The following ALPK3 variants were observed in gnomAD, a reference collection of about 807,000 sequenced individuals.
ALPK3 encodes alpha-protein kinase 3.
A neutral mutation model predicts 140.0 loss-of-function variants in ALPK3; 102 were observed. The observed-to-expected ratio is 0.73, with a 90% CI of 0.62 to 0.86. ALPK3 has a LOEUF of 0.86. ALPK3 is among the 40% of genes least tolerant of loss of function. The probability of loss-of-function intolerance (pLI) is 0.00; values close to 1 mark genes in which losing one functional copy is unlikely to be tolerated. For missense variants in ALPK3, 2,254 were observed against 2,208.2 expected (o/e 1.02, Z -0.42); for synonymous variants, 938 against 898.5 (o/e 1.04, Z -0.79).
At position 84,826,119 on chromosome 15, in the gene ALPK3, G is replaced by C. The variant is rs538794492; in HGVS notation, c.183-1365G>C. Among the ~76,000 whole-genome samples, 66 of 152,310 alleles carry C rather than the reference G, an allele frequency of 4.3e-4. No homozygotes were observed. The Middle Eastern group carries it at 0.01, about 24-fold the overall frequency. On this transcript the variant is annotated intron_variant, in intron 2 of 13. Coordinates refer to ENST00000258888, the MANE Select transcript of ALPK3 (RefSeq NM_020778.5). Reference sequence around the variant, plus strand: ...TGAAACCACAGCAGGAACCCCATCAGTTCAGAAGTCTTACTTGATTCCAGA... The same window carrying C: ...TGAAACCACAGCAGGAACCCCATCACTTCAGAAGTCTTACTTGATTCCAGA...
At position 84,840,681 on chromosome 15, in the gene ALPK3, C is replaced by A; in HGVS notation, c.1402C>A (p.His468Asn). 1 of 1,600,958 alleles carries A rather than the reference C, an allele frequency of 6.2e-7. No homozygotes were observed. The highest frequency in any genetic ancestry group is 8.5e-7 in the Non-Finnish European group (1 of 1,173,690). ...GVPGAPGQPT[H>N]SLTPQPTRPF... ...GCCTGGCGCTCCTGGCCAGCCCACACACTCCTTGACCCCCCAGCCGACTAG... is the reference window on the plus strand; with the variant it reads ...GCCTGGCGCTCCTGGCCAGCCCACAAACTCCTTGACCCCCCAGCCGACTAG... Residue 468 changes from histidine to asparagine, a missense_variant, in exon 5 of 14, where the codon CAC becomes AAC. Physicochemically the swap from His to Asn is moderately conservative, Grantham distance 68 (BLOSUM62 1). Transcript: ENST00000258888.
chr15:84,818,593 T>A (rs1167565732), intron 1 of ALPK3, among the ~76,000 whole-genome samples: 1 of 152,198 alleles, frequency 6.6e-6, no homozygotes, highest in Non-Finnish European at 1.5e-5. Context: ...AGACCTCTTG[T>A]TCTCCATTCC....
At chr15:84,820,637 G>T (rs1053346172) in intron 1 of ALPK3, among the ~76,000 whole-genome samples, 3 of 151,884 alleles carry the variant, frequency 2.0e-5, no homozygotes, top group African/African-American at 7.3e-5. Context: ...GCCTGCCACC[G>T]CACCCGGCTA....
chr15:84,829,194 G>A (rs760866226), intron 3 of ALPK3, among the ~76,000 whole-genome samples: 8 of 152,088 alleles, frequency 5.3e-5, no homozygotes, highest in Non-Finnish European at 1.0e-4. Context: ...TGAGTACTAC[G>A]TGAAATTCTT....
rs771043471 is a variant in ALPK3, at chr15:84,856,841, G to A, written c.2103G>A (p.Glu701=). ...GTQEDRRMQG[E]KGMQGEKGTQ... is the part of the protein sequence containing the mutation. ...AGGAAGACAGAAGGATGCAGGGAGA[G>A]AAGGGGATGCAGGGAGAGAAGGGGA... The change falls in exon 6 of 14, where the codon GAG becomes GAA. Residue 701 remains glutamate, a synonymous_variant. Coordinates refer to ENST00000258888, the MANE Select transcript of ALPK3 (RefSeq NM_020778.5). 2.5e-6 allele frequency: 4 copies of A among 1,613,734 alleles called. No homozygotes were observed. The highest frequency in any genetic ancestry group is 1.6e-4 in the Middle Eastern group (1 of 6,062).
intron 5 of ALPK3, among the ~76,000 whole-genome samples, 180 bp from the exon 6 acceptor site, chr15:84,856,212 G>C (rs553372399): frequency 6.6e-6 from 1 of 152,296 alleles, no homozygotes; most frequent in South Asian, 2.1e-4. Flanking sequence ...GGCATGGATG[G>C]GGCTTTGGGC....
intron 5 of ALPK3, chr15:84,852,513 G>A: frequency 7.3e-6 from 2 of 275,758 alleles, no homozygotes; most frequent in South Asian, 4.0e-5. Context: ...TATCTCCCCA[G>A]GAAAACATAC....
At chr15:84,826,724 C>T (rs1007720036) in intron 2 of ALPK3, among the ~76,000 whole-genome samples, 7 of 152,088 alleles carry the variant, frequency 4.6e-5, no homozygotes, top group African/African-American at 1.7e-4. Flanking sequence ...AGGGGTGGAT[C>T]CGTTTGTGGT....
chr15:84,844,090 G>A (rs147320795), intron 5 of ALPK3, among the ~76,000 whole-genome samples: 227 of 152,294 alleles, frequency 1.5e-3, no homozygotes, highest in Non-Finnish European at 2.3e-3. Context: ...TTACCTGGGC[G>A]TGGTGGCGGA....
chr15:84,865,273 A>G (rs188180325), intron 12 of ALPK3, among the ~76,000 whole-genome samples: 65 of 152,308 alleles, frequency 4.3e-4, no homozygotes, highest in Middle Eastern at 6.8e-3. Context: ...AGAACTGGAC[A>G]GAGGAGAGGA....
chr15:84,839,831 G>C lies in ALPK3; in HGVS notation c.552G>C (p.Lys184Asn). 6.2e-7 allele frequency: 1 copy of C among 1,614,148 alleles called. No individual in the cohort carries two copies. The highest frequency in any genetic ancestry group is 1.1e-5 in the South Asian group (1 of 91,090). Residue 184 changes from lysine (K) to asparagine (N), a missense_variant, in exon 5 of 14, where the codon AAG becomes AAC. This residue lies in a region of ALPK3 where 2,088 missense variants were observed against 2,022.9 expected (regional missense o/e 1.03). Transcript: ENST00000258888. ...EYKIHQRWFAKLKRKAAAKLR... is the reference protein window; with the variant it reads ...EYKIHQRWFANLKRKAAAKLR... ...AGATCCACCAGCGCTGGTTCGCCAA[G>C]TTGAAGCGCAAGGCTGCGGCAAAGC...
At chr15:84,826,386 C>A (rs1963489271) in intron 2 of ALPK3, among the ~76,000 whole-genome samples, 2 of 152,096 alleles carry the variant, frequency 1.3e-5, no homozygotes, top group Non-Finnish European at 2.9e-5. Context: ...GTGTCTTTCT[C>A]ACTACAGTTT....
In ALPK3 at chr15:84,839,006, T is replaced by C. The variant is rs1040012286; in HGVS notation, c.331T>C (p.Tyr111His). 48 of 1,613,948 alleles carry C rather than the reference T, an allele frequency of 3.0e-5. No homozygotes were observed. The highest frequency in any genetic ancestry group is 3.9e-5 in the Non-Finnish European group (46 of 1,179,996). Residue 111 changes from tyrosine (Y) to histidine (H), a missense_variant, in exon 4 of 14, where the codon TAC (tyrosine) becomes CAC (histidine). Transcript: ENST00000258888. ...TGYPEPEVTW[Y>H]KDDTELDRYC... Reference sequence around the variant, plus strand: ...ATACCCAGAGCCAGAGGTGACCTGGTACAAGGATGATACGGAGCTGGACCG... The same window carrying C: ...ATACCCAGAGCCAGAGGTGACCTGGCACAAGGATGATACGGAGCTGGACCG...
chr15:84,851,646 T>G (rs1282148583), intron 5 of ALPK3, among the ~76,000 whole-genome samples: 2 of 152,188 alleles, frequency 1.3e-5, no homozygotes, highest in Non-Finnish European at 2.9e-5. Flanking sequence ...GTCTGTGTAT[T>G]TTCCACACAA....
Position 84,839,091 on chromosome 15 carries a change from TG to T in ALPK3, c.417del (p.Tyr140ThrfsTer33), listed in dbSNP as rs1963627197. The part of the protein sequence containing the change: ...THQGNRHTLQ[L>X]YRCREEDAAI... Reference sequence around the variant, plus strand: ...CAGGGCAACCGCCACACACTGCAGCTGTACAGGTGAGGGAGAAGGGCCTGTT... The same window carrying T: ...CAGGGCAACCGCCACACACTGCAGCTTACAGGTGAGGGAGAAGGGCCTGTT... On this transcript the variant is annotated frameshift_variant, in exon 4 of 14. Coordinates refer to ENST00000258888, the MANE Select transcript of ALPK3 (RefSeq NM_020778.5). LOFTEE classifies it high-confidence loss of function. 2 of 1,607,166 alleles carry T rather than the reference TG, an allele frequency of 1.2e-6. No homozygotes were observed. Among genetic ancestry groups the T allele is most frequent in the East Asian group, 4.5e-5 (2 of 44,646 alleles).
intron 6 of ALPK3, among the ~76,000 whole-genome samples, chr15:84,858,978 G>A (rs1420106089): frequency 6.6e-6 from 1 of 152,186 alleles, no homozygotes. Context: ...TGTCTCAACT[G>A]CTGTCTGCGT....
At chr15:84,863,448 C>G in intron 10 of ALPK3, 104 bp from the exon 11 acceptor site, 1 of 974,408 alleles carries the variant, frequency 1.0e-6, no homozygotes, top group East Asian at 2.7e-5. Context: ...TGGAATCCTC[C>G]TCTCAGTCCC....
Position 84,856,813 on chromosome 15 carries a change from C to T in ALPK3, c.2075C>T (p.Thr692Ile). ...AGGAAGGCCCAGGCAGATAAGGGCA[C>T]ACAGGAAGACAGAAGGATGCAGGGA... ...EDRKAQADKG[T>I]QEDRRMQGEK... The change falls in exon 6 of 14, where the codon ACA (threonine) becomes ATA (isoleucine). Residue 692 changes from threonine (T) to isoleucine (I), a missense_variant. Transcript: ENST00000258888. 6.2e-7 allele frequency: 1 copy of T among 1,613,916 alleles called. No homozygotes were observed.
At chr15:84,826,896 C>T (rs971097017) in intron 2 of ALPK3, among the ~76,000 whole-genome samples, 1 of 152,136 alleles carries the variant, frequency 6.6e-6, no homozygotes, top group African/African-American at 2.4e-5. Context: ...GAATTAGAGT[C>T]CCCCCTTGGG....
Sources: gnomAD v4.1 joint callset for allele counts (sites outside exome capture counted in the v4.1 genomes callset) on GRCh38, gnomAD v4.1.1 for gene constraint, gnomAD v4.1.1 regional missense constraint, MANE v1.5 for transcripts, NCBI Gene and HGNC (gene_info 2026-07-23, HGNC 2026-07-21) for gene names.